The following CORIN variants were observed in gnomAD, a reference collection of about 807,000 sequenced individuals.
CORIN encodes the protein corin, serine peptidase, also known as atrial natriuretic peptide-converting enzyme.
CORIN carries 117 observed loss-of-function variants against 125.3 expected under a neutral mutation model. That is an observed-to-expected ratio of 0.93 (90% CI 0.80 to 1.09). CORIN has a LOEUF of 1.09. CORIN is among the 50% of genes least tolerant of loss of function. The pLI, the probability that CORIN is intolerant of heterozygous loss-of-function variation, is 0.00. For missense variants in CORIN, 1,253 were observed against 1,306.7 expected, an observed-to-expected ratio of 0.96 and a Z score of 0.63; for synonymous variants, 450 against 466.4, an observed-to-expected ratio of 0.96 and a Z score of 0.45.
rs913793677 is a variant in CORIN at position 47,721,166 on chromosome 4, C to G, written c.799+23236G>C. On this transcript the variant is annotated intron_variant, in intron 5 of 21. Coordinates refer to ENST00000273857, the MANE Select transcript of CORIN (RefSeq NM_006587.4). The stretch of plus-strand genomic sequence containing the variant: ...TGGCCTCTCTTGATGCATGTACAGA[C>G]AGAGAGAGAGAGAGAGAGAGCACAC... Among the ~76,000 whole-genome samples, 16 of 149,470 alleles carry G rather than the reference C, an allele frequency of 1.1e-4. 1 individual carries two copies. Among genetic ancestry groups the G allele is most frequent in the Admixed American group, 2.7e-4 (4 of 14,988 alleles).
At chr4:47,617,350 A>G (rs1722103185) in intron 19 of CORIN, among the ~76,000 whole-genome samples, 1 of 152,216 alleles carries the variant, frequency 6.6e-6, no homozygotes, top group African/African-American at 2.4e-5. Flanking sequence ...GGGAGTGACA[A>G]GACTGAAAGA....
chr4:47,755,599 C>T (rs1053412871), intron 4 of CORIN, among the ~76,000 whole-genome samples: 8 of 152,186 alleles, frequency 5.3e-5, no homozygotes, highest in African/African-American at 1.9e-4. Context: ...AGTAATTCCT[C>T]ATCCATTAGG....
chr4:47,621,046 A>G (rs1186605983), intron 19 of CORIN, among the ~76,000 whole-genome samples: 3 of 152,336 alleles, frequency 2.0e-5, no homozygotes, highest in East Asian at 3.9e-4. Context: ...ATTTAATATT[A>G]CTTCATTTAA....
chr4:47,783,734 A>T (rs942388058), intron 3 of CORIN, among the ~76,000 whole-genome samples: 3 of 152,140 alleles, frequency 2.0e-5, no homozygotes, highest in Admixed American at 1.3e-4. Context: ...AACTGGTGAA[A>T]TAAACATCAA....
In CORIN at chr4:47,683,769, T is replaced by C. The variant is rs141102681; in HGVS notation, c.983A>G (p.Tyr328Cys). The C allele has an allele frequency of 1.2e-6, 2 of 1,613,872 alleles. No homozygotes were observed. The highest frequency in any genetic ancestry group is 2.2e-5 in the East Asian group (1 of 44,870). The change falls in exon 7 of 22, where the codon TAT (tyrosine) becomes TGT (cysteine). Residue 328 changes from tyrosine (Y) to cysteine (C), a missense_variant. Transcript: ENST00000273857. ...CLNYSLVCDGYDDCGDLSDEQ... is the reference protein window; with the variant it reads ...CLNYSLVCDGCDDCGDLSDEQ... ...ATCACTCAAATCCCCACAGTCATCA[T>C]ATCCATCACACACAAGGCTGTAATT...
intron 5 of CORIN, among the ~76,000 whole-genome samples, chr4:47,740,562 T>C (rs552211842): frequency 1.3e-5 from 2 of 151,982 alleles, no homozygotes; most frequent in African/African-American, 2.4e-5. Flanking sequence ...TTAGCAAAGA[T>C]TGAATGGTAT....
intron 7 of CORIN, chr4:47,680,493 C>T (rs958310197): frequency 2.7e-5 from 11 of 400,364 alleles, no homozygotes; most frequent in Non-Finnish European, 4.0e-5. Context: ...CTCTAGCTGC[C>T]CCAGGACCCG....
Position 47,832,054 on chromosome 4 carries a change from T to C in CORIN, c.63+5833A>G, listed in dbSNP as rs77349952. ...CCCCCAAACATTGTACTTAGTATTA[T>C]AGTGCTTTCATTCTTGTAAAAAATG... On this transcript the variant is annotated intron_variant, in intron 1 of 21. Coordinates refer to ENST00000273857, the MANE Select transcript of CORIN (RefSeq NM_006587.4). Among the ~76,000 whole-genome samples, 344 of 152,334 alleles carry C rather than the reference T, an allele frequency of 2.3e-3. 2 individuals are homozygous for C. Among genetic ancestry groups the C allele is most frequent in the Non-Finnish European group, 4.3e-3 (292 of 68,022 alleles).
chr4:47,831,213 T>C (rs944381543), intron 1 of CORIN, among the ~76,000 whole-genome samples: 3 of 152,254 alleles, frequency 2.0e-5, no homozygotes, highest in African/African-American at 7.2e-5. Context: ...CCAGCTCTGA[T>C]GGTTTGGACA....
At chr4:47,727,397 A>C (rs1262714700) in intron 5 of CORIN, among the ~76,000 whole-genome samples, 1 of 152,078 alleles carries the variant, frequency 6.6e-6, no homozygotes, top group Non-Finnish European at 1.5e-5. Flanking sequence ...CTAATACATC[A>C]AGATATGGAA....
rs1452593924 is a variant in CORIN, at chr4:47,669,608, A to G, written c.1358-4345T>C. Among the ~76,000 whole-genome samples, 12 of 143,318 alleles carry G rather than the reference A, an allele frequency of 8.4e-5. No homozygotes were observed. The South Asian group carries it at 8.7e-4, about 10-fold the overall frequency. 94.0% of individuals were successfully genotyped at this position (143,318 alleles called of 152,430 possible). A position where few individuals can be genotyped will look rare whatever the true frequency, so the allele number is the denominator to read the frequency against. ...TTTTGTGACAGAGTCTCGCTCTGTC[A>G]CCCAGGCTGGAGTGCAGTGGCACGA... On this transcript the variant is annotated intron_variant, in intron 10 of 21. Coordinates refer to ENST00000273857, the MANE Select transcript of CORIN (RefSeq NM_006587.4).
chr4:47,790,181 C>G, intron 2 of CORIN: 1 of 983,718 alleles, frequency 1.0e-6, no homozygotes, highest in Non-Finnish European at 1.2e-6. Flanking sequence ...AAACTTTGGA[C>G]AAAGTCTTAA....
rs1344231706 is a variant in CORIN at position 47,838,032 on chromosome 4, A to G, written c.-83T>C. On this transcript the variant is annotated 5_prime_UTR_variant, in exon 1 of 22. Coordinates refer to ENST00000273857, the MANE Select transcript of CORIN (RefSeq NM_006587.4). ...TCTACGTGTCCCCCGGGGAGGCACT[A>G]CGGATGATTTTCTCCAAGCTCAAGA... 1 of 1,585,044 alleles carries G rather than the reference A, an allele frequency of 6.3e-7. No homozygotes were observed.
intron 10 of CORIN, among the ~76,000 whole-genome samples, chr4:47,666,592 G>C (rs1370086683): frequency 6.6e-6 from 1 of 152,188 alleles, no homozygotes; most frequent in Non-Finnish European, 1.5e-5. Context: ...ATAGTATTTG[G>C]AGGTGGGGCC....
chr4:47,639,353 G>A (rs942600573), intron 16 of CORIN, among the ~76,000 whole-genome samples: 6 of 151,992 alleles, frequency 3.9e-5, no homozygotes, highest in African/African-American at 1.5e-4. Flanking sequence ...TTCTAACTTT[G>A]TGTTCTTGGC....
At chr4:47,737,882 A>C (rs1004044017) in intron 5 of CORIN, among the ~76,000 whole-genome samples, 4 of 152,154 alleles carry the variant, frequency 2.6e-5, no homozygotes, top group Non-Finnish European at 5.9e-5. Flanking sequence ...CCATTACCAA[A>C]GAATTGTCAT....
chr4:47,733,921 T>G (rs1244740214), intron 5 of CORIN, among the ~76,000 whole-genome samples: 3 of 152,170 alleles, frequency 2.0e-5, no homozygotes, highest in Admixed American at 2.0e-4. Context: ...TTTACAGAGC[T>G]AAGCATTGGG....
chr4:47,767,813 T>C (rs1729828290), intron 3 of CORIN, among the ~76,000 whole-genome samples: 1 of 152,074 alleles, frequency 6.6e-6, no homozygotes, highest in Non-Finnish European at 1.5e-5. Context: ...ACCAACAAAT[T>C]AGATAACCTA....
Position 47,600,240 on chromosome 4 carries a change from CAT to C in CORIN, c.2918_2919del (p.Tyr973Ter), listed in dbSNP as rs748163539. 8 of 1,613,532 alleles carry C rather than the reference CAT, an allele frequency of 5.0e-6. No individual in the cohort carries two copies. The African/African-American group carries it at 9.3e-5, about 19-fold the overall frequency. On this transcript the variant is annotated frameshift_variant, in exon 21 of 22. Coordinates refer to ENST00000273857, the MANE Select transcript of CORIN (RefSeq NM_006587.4). LOFTEE classifies it high-confidence loss of function. The part of the protein sequence containing the change: ...TITTRMICAG[Y>X]ESGTVDSCMG... ...ATGCATGAATCAACTGTGCCAGACT[CAT>C]AGCCAGCACATATCATCCGAGTGGT...
Sources: gnomAD v4.1 joint callset for allele counts (sites outside exome capture counted in the v4.1 genomes callset) on GRCh38, gnomAD v4.1.1 for gene constraint, MANE v1.5 for transcripts, NCBI Gene and HGNC (gene_info 2026-07-23, HGNC 2026-07-21) for gene names.